Variants in JARID2 observed in about 807,000 individuals in gnomAD.
JARID2 encodes the protein protein Jumonji.
A neutral mutation model predicts 125.6 loss-of-function variants in JARID2; 21 were observed. The observed-to-expected ratio is 0.17, with a 90% CI of 0.12 to 0.24. The LOEUF is 0.24. Ranked by LOEUF, JARID2 falls within the 10% of genes least tolerant of loss-of-function variation. The probability of loss-of-function intolerance (pLI) is 1.00; values close to 1 mark genes in which losing one functional copy is unlikely to be tolerated. For missense variants in JARID2, 1,303 were observed against 1,639.6 expected (o/e 0.79, Z 3.55); for synonymous variants, 736 against 661.6 (o/e 1.11, Z -1.73).
At chr6:15,410,138 A>T in intron 2 of JARID2, 86 bp from the exon 3 acceptor site, 1 of 1,240,264 alleles carries the variant, frequency 8.1e-7, no homozygotes, top group South Asian at 1.6e-5. Context: ...GTCTGTCTTC[A>T]TCAGCGTTGT....
chr6:15,452,560 C>A (rs1331407569), intron 4 of JARID2, among the ~76,000 whole-genome samples: 1 of 152,042 alleles, frequency 6.6e-6, no homozygotes, highest in Non-Finnish European at 1.5e-5. Flanking sequence ...TGTGAAGGCC[C>A]CTTTCTTTGT....
intron 5 of JARID2, among the ~76,000 whole-genome samples, chr6:15,469,318 GTCTCTCTCTCTCTCTCTCCTGTC>G (rs1768919794): frequency 1.2e-4 from 6 of 48,564 alleles, no homozygotes; most frequent in Admixed American, 2.5e-4. Context: ...CTCTCTCTCT[GTCTCTCTCTCTCTCTCTCCTGTC>G]TCTCTCTCTC....
chr6:15,416,740 G>GA (rs1766245872), intron 3 of JARID2, among the ~76,000 whole-genome samples: 1 of 151,720 alleles, frequency 6.6e-6, no homozygotes, highest in African/African-American at 2.4e-5. Context: ...GGGAGAGGGA[G>GA]AGGGGCTAAC....
intron 2 of JARID2, chr6:15,400,795 T>C: frequency 1.0e-6 from 1 of 985,280 alleles, no homozygotes; most frequent in Non-Finnish European, 1.2e-6. Flanking sequence ...GTTCTGGCCG[T>C]CCTATTGCCG....
At chr6:15,312,540 C>T (rs911533473) in intron 1 of JARID2, among the ~76,000 whole-genome samples, 4 of 152,184 alleles carry the variant, frequency 2.6e-5, no homozygotes, top group East Asian at 1.9e-4. Context: ...ATGCCAGCGC[C>T]GACCTGCCTT....
intron 3 of JARID2, among the ~76,000 whole-genome samples, chr6:15,431,140 C>A (rs1450976315): frequency 6.6e-6 from 1 of 152,184 alleles, no homozygotes; most frequent in East Asian, 1.9e-4. Flanking sequence ...CATAATTTCT[C>A]TCCTGATTAT....
At chr6:15,461,969 GA>G (rs1768473236) in intron 4 of JARID2, among the ~76,000 whole-genome samples, 1 of 152,032 alleles carries the variant, frequency 6.6e-6, no homozygotes, top group Non-Finnish European at 1.5e-5. Flanking sequence ...ATTCAGTAAG[GA>G]ATAGGGATTC....
In JARID2 at chr6:15,512,191, T is replaced by C; in HGVS notation, c.2953-17T>C. The C allele has an allele frequency of 6.2e-7, 1 of 1,610,500 alleles. No individual in the cohort carries two copies. The stretch of plus-strand genomic sequence containing the variant: ...GCGCACAGGGAGGGGTGCCTCAGCC[T>C]GGCCCTGTCTCCCCAGATCTCCCCG... On this transcript the variant is annotated splice_polypyrimidine_tract_variant and intron_variant, in intron 13 of 17. Transcript: ENST00000341776.
chr6:15,307,655 C>A (rs746368289), intron 1 of JARID2, among the ~76,000 whole-genome samples: 6 of 152,150 alleles, frequency 3.9e-5, no homozygotes, highest in Admixed American at 1.3e-4. Context: ...TTTTTCTTCT[C>A]TGATGACTTA....
In JARID2 at chr6:15,509,260, T is replaced by C. The variant is rs139292560; in HGVS notation, c.2846+806T>C. 1.7e-5 allele frequency: 20 copies of C among 1,202,426 alleles called. 1 individual carries two copies. In the East Asian group the frequency reaches 1.0e-3, roughly 63 times the overall value. The allele number at this position is 1,202,426 out of a possible 1,614,324, so 74.5% of individuals were successfully genotyped here. The stretch of plus-strand genomic sequence containing the variant: ...TGGGAAATGACTACAAATAATCAGA[T>C]GTCTTGTCGTCTGATCGTTTACCGG... On this transcript the variant is annotated intron_variant, in intron 12 of 17. Coordinates refer to ENST00000341776, the MANE Select transcript of JARID2 (RefSeq NM_004973.4).
intron 2 of JARID2, among the ~76,000 whole-genome samples, chr6:15,405,674 G>T (rs147444512): frequency 5.3e-5 from 8 of 152,168 alleles, no homozygotes; most frequent in African/African-American, 1.7e-4. Context: ...TGGTCGGGGT[G>T]GGGGAGGGGG....
chr6:15,336,478 A>G (rs1454285553), intron 1 of JARID2, among the ~76,000 whole-genome samples: 1 of 152,236 alleles, frequency 6.6e-6, no homozygotes, highest in Non-Finnish European at 1.5e-5. Flanking sequence ...CATTTAAGAC[A>G]ATATTTGTAA....
chr6:15,333,466 C>T (rs1047162423), intron 1 of JARID2, among the ~76,000 whole-genome samples: 3 of 152,116 alleles, frequency 2.0e-5, no homozygotes, highest in Admixed American at 1.3e-4. Context: ...TGTGGCCATA[C>T]GTGTATGGCG....
chr6:15,475,970 G>A (rs1006552285), intron 5 of JARID2, among the ~76,000 whole-genome samples: 4 of 152,170 alleles, frequency 2.6e-5, no homozygotes, highest in Admixed American at 2.0e-4. Context: ...TTTCACAAGC[G>A]AAAGGGGAGA....
intron 1 of JARID2, among the ~76,000 whole-genome samples, chr6:15,257,732 C>T (rs1342484943): frequency 6.6e-6 from 1 of 152,170 alleles, no homozygotes; most frequent in African/African-American, 2.4e-5. Context: ...AGGTAGTACA[C>T]GTTAGGCCAG....
chr6:15,445,303 T>C lies in JARID2; in HGVS notation c.324-6703T>C, dbSNP rs376154425. Among the ~76,000 whole-genome samples the C allele has an allele frequency of 2.2e-4, 34 of 152,322 alleles. No individual in the cohort carries two copies. The East Asian group carries it at 3.1e-3, about 14-fold the overall frequency. ...TGTTAGTTCATCCCTGGGGTTTCTT[T>C]ACAAGCATGGTCTCGTGATTTATTG... On this transcript the variant is annotated intron_variant, in intron 3 of 17. Transcript: ENST00000341776.
chr6:15,487,236 A>G, intron 5 of JARID2, 71 bp from the exon 6 acceptor site: 1 of 1,329,126 alleles, frequency 7.5e-7, no homozygotes, highest in Non-Finnish European at 1.1e-6. Context: ...CACAGAGCCA[A>G]ACCATATCAG....
At chr6:15,300,427 T>C (rs1170827622) in intron 1 of JARID2, among the ~76,000 whole-genome samples, 1 of 152,094 alleles carries the variant, frequency 6.6e-6, no homozygotes, top group Non-Finnish European at 1.5e-5. Context: ...CATGTAAGCT[T>C]TTGGGCCTGG....
intron 3 of JARID2, among the ~76,000 whole-genome samples, chr6:15,412,084 C>G (rs993498302): frequency 6.6e-6 from 1 of 152,204 alleles, no homozygotes; most frequent in Non-Finnish European, 1.5e-5. Flanking sequence ...TGAAGGAAAA[C>G]TTAGCCTTGG....
Sources: allele counts gnomAD v4.1 joint callset (sites outside exome capture counted in the v4.1 genomes callset), GRCh38; gene constraint gnomAD v4.1.1; transcripts MANE v1.5; gene names NCBI Gene and HGNC (gene_info 2026-07-23, HGNC 2026-07-21).